HIPK2: variants seen among roughly 807,000 people sequenced by gnomAD.
HIPK2 encodes the protein homeodomain interacting protein kinase 2.
In HIPK2, 27 loss-of-function variants were observed where a neutral mutation model predicts 113.7. The ratio of observed to expected loss-of-function variants is 0.24; its 90% confidence interval spans 0.17 to 0.33. The LOEUF is 0.33. HIPK2 is among the 10% of genes least tolerant of loss of function. HIPK2 has a pLI of 1.00. For synonymous variants in HIPK2, 631 were observed against 642.2 expected (o/e 0.98, Z 0.26); for missense variants, 1,257 against 1,588.0 (o/e 0.79, Z 3.54).
intron 2 of HIPK2, among the ~76,000 whole-genome samples, chr7:139,646,681 T>A (rs1335936557): frequency 6.6e-6 from 1 of 152,160 alleles, no homozygotes; most frequent in Non-Finnish European, 1.5e-5. Flanking sequence ...GAGATGAGAA[T>A]GCTCATTTTG....
At chr7:139,710,378 G>A (rs1795026038) in intron 2 of HIPK2, among the ~76,000 whole-genome samples, 1 of 152,100 alleles carries the variant, frequency 6.6e-6, no homozygotes, top group Admixed American at 6.5e-5. Flanking sequence ...TAACTTCCCT[G>A]TTAACCCATC....
intron 2 of HIPK2, among the ~76,000 whole-genome samples, chr7:139,652,697 C>T (rs1371522685): frequency 1.3e-5 from 2 of 152,178 alleles, no homozygotes; most frequent in South Asian, 2.1e-4. Flanking sequence ...CAGCGGACTC[C>T]ACTCCAGGCT....
intron 1 of HIPK2, among the ~76,000 whole-genome samples, chr7:139,728,718 T>C (rs1461621603): frequency 1.3e-5 from 2 of 152,330 alleles, no homozygotes; most frequent in Admixed American, 6.5e-5. Flanking sequence ...ACAATAGTTT[T>C]AAGGAAACCA....
rs927228887 is a variant in HIPK2 at position 139,614,451 on chromosome 7, C to T, written c.1825G>A (p.Glu609Lys). The T allele has an allele frequency of 2.6e-5, 39 of 1,494,854 alleles. No homozygotes were observed. Among genetic ancestry groups the T allele is most frequent in the East Asian group, 2.5e-4 (10 of 39,504 alleles). 92.6% of individuals were successfully genotyped at this position (1,494,854 alleles called of 1,614,324 possible). ...GATGGGTAGTTTAGTATGGAGACTT[C>T]GGGATTGGCTAAGGAAATAGTGGCA... ...TSATISLANP[E>K]VSILNYPSTL... The change falls in exon 8 of 15, where the codon GAA becomes AAA. Residue 609 changes from glutamate (E) to lysine (K), a missense_variant. By Grantham distance (56) the Glu-to-Lys change is moderately conservative. Transcript: ENST00000406875.
intron 2 of HIPK2, among the ~76,000 whole-genome samples, chr7:139,699,711 C>T (rs1303714334): frequency 2.6e-5 from 4 of 152,252 alleles, no homozygotes; most frequent in African/African-American, 9.6e-5. Context: ...GAGATGACTG[C>T]TGTCCAGCTG....
chr7:139,666,384 C>T (rs1477464353), intron 2 of HIPK2, among the ~76,000 whole-genome samples: 1 of 152,196 alleles, frequency 6.6e-6, no homozygotes, highest in Non-Finnish European at 1.5e-5. Context: ...ACAGAAGACC[C>T]AGGGCTCACT....
chr7:139,655,347 G>A (rs900602067), intron 2 of HIPK2, among the ~76,000 whole-genome samples: 3 of 152,246 alleles, frequency 2.0e-5, no homozygotes, highest in Non-Finnish European at 2.9e-5. Context: ...GGACAAAGAC[G>A]TAAGTTGCAG....
chr7:139,705,044 C>A (rs1323379637), intron 2 of HIPK2, among the ~76,000 whole-genome samples: 3 of 152,262 alleles, frequency 2.0e-5, no homozygotes, highest in African/African-American at 7.2e-5. Context: ...ACACTCCCAA[C>A]ATCCAGGCCC....
Position 139,631,405 on chromosome 7 carries a change from C to CA in HIPK2, c.1228-122dup. 1 of 1,406,894 alleles carries CA rather than the reference C, an allele frequency of 7.1e-7. No homozygotes were observed. The highest frequency in any genetic ancestry group is 9.4e-7 in the Non-Finnish European group (1 of 1,068,474). 87.2% of individuals were successfully genotyped at this position (1,406,894 alleles called of 1,614,324 possible). A position where few individuals can be genotyped will look rare whatever the true frequency, so the allele number is the denominator to read the frequency against. On this transcript the variant is annotated intron_variant, in intron 3 of 14. Coordinates refer to ENST00000406875, the MANE Select transcript of HIPK2 (RefSeq NM_022740.5). The surrounding 1 kb of genome is among the most constrained non-coding windows in gnomAD (Gnocchi z 4.9). ...CAATTTTTGTAGGGAAAGAAGTTAA[C>CA]AAAAAAGAGAAAAAAGAAAAAGGGA...
chr7:139,735,815 C>T (rs920807168), intron 1 of HIPK2, among the ~76,000 whole-genome samples: 7 of 152,186 alleles, frequency 4.6e-5, no homozygotes, highest in Non-Finnish European at 8.8e-5. Context: ...AGATGAGACC[C>T]ATTTTTATTT....
chr7:139,733,362 G>C (rs577944863), intron 1 of HIPK2, among the ~76,000 whole-genome samples: 3 of 152,182 alleles, frequency 2.0e-5, no homozygotes, highest in Non-Finnish European at 2.9e-5. Context: ...ACACAGAATA[G>C]AATTTACTTT....
chr7:139,619,761 T>C (rs1018264636), intron 7 of HIPK2, among the ~76,000 whole-genome samples: 1 of 152,140 alleles, frequency 6.6e-6, no homozygotes, highest in African/African-American at 2.4e-5. Context: ...GTTTCCATGA[T>C]CTTTTTCTTT....
chr7:139,719,247 C>T (rs1795337870), intron 1 of HIPK2, among the ~76,000 whole-genome samples: 1 of 152,080 alleles, frequency 6.6e-6, no homozygotes, highest in Admixed American at 6.5e-5. Context: ...GCTGGGACTA[C>T]AGGTGTGCGC....
chr7:139,688,723 G>A (rs866951609), intron 2 of HIPK2, among the ~76,000 whole-genome samples: 2 of 152,090 alleles, frequency 1.3e-5, no homozygotes, highest in African/African-American at 4.8e-5. Flanking sequence ...CACCAGAGAT[G>A]AGTTCCCATG....
rs1449496741 is a variant in HIPK2 at position 139,601,978 on chromosome 7, A to G, written c.2256-1382T>C. Among the ~76,000 whole-genome samples the G allele has an allele frequency of 1.1e-4, 12 of 114,266 alleles. No homozygotes were observed. In the East Asian group the frequency reaches 2.3e-3, roughly 22 times the overall value. The allele number at this position is 114,266 out of a possible 152,430, so 75.0% of individuals were successfully genotyped here. ...TTTTTTTTTTTTTTTTTTGAGATGG[A>G]GTCTCAGTCTGTTGCCCAGGCTGGA... On this transcript the variant is annotated intron_variant, in intron 10 of 14. Transcript: ENST00000406875.
At chr7:139,704,152 AAC>A (rs1190020775) in intron 2 of HIPK2, among the ~76,000 whole-genome samples, 1 of 107,382 alleles carries the variant, frequency 9.3e-6, no homozygotes, top group Non-Finnish European at 1.9e-5. Context: ...CACCATACCC[AAC>A]ACATACACCC....
In HIPK2 at chr7:139,596,847, C is replaced by T; in HGVS notation, c.2587G>A (p.Ala863Thr). 6.2e-7 allele frequency: 1 copy of T among 1,613,922 alleles called. No individual in the cohort carries two copies. Among genetic ancestry groups the T allele is most frequent in the South Asian group, 1.1e-5 (1 of 91,080 alleles). Residue 863 changes from alanine (A) to threonine (T), a missense_variant, in exon 12 of 15, where the codon GCC becomes ACC. By Grantham distance (58) the Ala-to-Thr change is moderately conservative. Around this residue, in one of 5 missense-constraint regions of HIPK2, gnomAD observed 862 missense variants for 1,004.3 expected, o/e 0.86. Transcript: ENST00000406875. ...TGCCGTTCCCGGGTGGTGCTGGAGGCCACGTCGCCCCACCCACAGGTGACC... is the reference window on the plus strand; with the variant it reads ...TGCCGTTCCCGGGTGGTGCTGGAGGTCACGTCGCCCCACCCACAGGTGACC... ...TSVTCGWGDV[A>T]SSTTRERQRQ...
intron 1 of HIPK2, chr7:139,722,039 G>A (rs768746175): frequency 4.2e-6 from 2 of 473,462 alleles, no homozygotes; most frequent in South Asian, 1.6e-5. Flanking sequence ...TAAACAGGCT[G>A]AAGTCATAAA....
chr7:139,711,720 C>A (rs1795074217), intron 2 of HIPK2, among the ~76,000 whole-genome samples: 1 of 151,582 alleles, frequency 6.6e-6, no homozygotes, highest in South Asian at 2.1e-4. Context: ...TGGAAATACC[C>A]CAGTACCAAT....
Sources: allele counts gnomAD v4.1 joint callset (sites outside exome capture counted in the v4.1 genomes callset), GRCh38; gene constraint gnomAD v4.1.1; regional missense constraint gnomAD v4.1.1; non-coding constraint Gnocchi (gnomAD v3.1); transcripts MANE v1.5; gene names NCBI Gene and HGNC (gene_info 2026-07-23, HGNC 2026-07-21).